Variants in MDGA2 observed in about 807,000 individuals in gnomAD.
The protein encoded by MDGA2 is MAM domain containing glycosylphosphatidylinositol anchor 2, also known as MAM domain-containing glycosylphosphatidylinositol anchor protein 2.
A neutral mutation model predicts 117.8 loss-of-function variants in MDGA2; 40 were observed. The observed-to-expected ratio is 0.34, with a 90% CI of 0.26 to 0.44. The LOEUF (loss-of-function observed/expected upper bound fraction) is 0.44. Ranked by LOEUF, MDGA2 falls within the 20% of genes least tolerant of loss-of-function variation. The pLI, the probability that MDGA2 is intolerant of heterozygous loss-of-function variation, is 1.00. For missense variants in MDGA2, 1,123 were observed against 1,250.6 expected, an observed-to-expected ratio of 0.90 and a Z score of 1.54; for synonymous variants, 452 against 439.0, an observed-to-expected ratio of 1.03 and a Z score of -0.37.
In MDGA2 at chr14:46,859,666, A is replaced by G. The variant is rs570107860; in HGVS notation, c.2753-4512T>C. Among the ~76,000 whole-genome samples the G allele has an allele frequency of 2.0e-5, 3 of 152,194 alleles. No individual in the cohort carries two copies. In the South Asian group the frequency reaches 6.2e-4, roughly 32 times the overall value. On this transcript the variant is annotated intron_variant, in intron 14 of 16. Coordinates refer to ENST00000399232, the MANE Select transcript of MDGA2 (RefSeq NM_001113498.3). ...CCTGTTTTTTGGTCTATTCTCTAAA[A>G]AATGGTTTCTAATATATTTTGCCCA...
At chr14:47,059,964 A>T (rs374331942) in intron 7 of MDGA2, among the ~76,000 whole-genome samples, 27 of 152,100 alleles carry the variant, frequency 1.8e-4, no homozygotes, top group African/African-American at 6.0e-4. Context: ...GAATCAATGG[A>T]TATTTGTTGA....
chr14:47,384,383 T>C (rs1383341156), intron 1 of MDGA2, among the ~76,000 whole-genome samples: 1 of 151,502 alleles, frequency 6.6e-6, no homozygotes, highest in Non-Finnish European at 1.5e-5. Context: ...AATCTTAAAG[T>C]CTAGAACAAA....
At chr14:47,629,956 G>GCTT (rs1897223061) in intron 1 of MDGA2, among the ~76,000 whole-genome samples, 2 of 152,200 alleles carry the variant, frequency 1.3e-5, no homozygotes, top group South Asian at 4.2e-4. Context: ...GCACCCAGGT[G>GCTT]ATACTGATAC....
At chr14:46,965,589 T>C (rs1033928633) in intron 8 of MDGA2, among the ~76,000 whole-genome samples, 1 of 152,174 alleles carries the variant, frequency 6.6e-6, no homozygotes, top group African/African-American at 2.4e-5. Flanking sequence ...GCACTCATTA[T>C]AGTGCACTCA....
intron 12 of MDGA2, among the ~76,000 whole-genome samples, chr14:46,876,886 G>A (rs902744557): frequency 6.6e-6 from 1 of 151,516 alleles, no homozygotes; most frequent in Non-Finnish European, 1.5e-5. Context: ...TCCAGGGAGA[G>A]AGAAGTTTTC....
chr14:47,538,172 C>T (rs1234810263), intron 1 of MDGA2, among the ~76,000 whole-genome samples: 1 of 152,152 alleles, frequency 6.6e-6, no homozygotes, highest in Non-Finnish European at 1.5e-5. Context: ...TCTGTGCTAG[C>T]ACGTTGTAAC....
intron 2 of MDGA2, among the ~76,000 whole-genome samples, chr14:47,249,041 T>C (rs1389490118): frequency 6.7e-6 from 1 of 148,470 alleles, no homozygotes; most frequent in African/African-American, 2.5e-5. Flanking sequence ...TTGTTTTTCA[T>C]GGAGTCTCGC....
intron 1 of MDGA2, among the ~76,000 whole-genome samples, chr14:47,635,140 G>A (rs780713193): frequency 4.6e-5 from 7 of 151,952 alleles, no homozygotes; most frequent in Non-Finnish European, 1.0e-4. Flanking sequence ...TTGTATCATC[G>A]TCACTCATTT....
intron 1 of MDGA2, among the ~76,000 whole-genome samples, chr14:47,314,067 G>C (rs1003906466): frequency 6.6e-6 from 1 of 152,160 alleles, no homozygotes; most frequent in Non-Finnish European, 1.5e-5. Context: ...AGAAGAGTGT[G>C]AAGTGTATAG....
chr14:47,538,200 C>T (rs1895262956), intron 1 of MDGA2, among the ~76,000 whole-genome samples: 1 of 152,030 alleles, frequency 6.6e-6, no homozygotes, highest in Admixed American at 6.6e-5. Context: ...AAATATGTGC[C>T]CTGGATATAT....
intron 1 of MDGA2, among the ~76,000 whole-genome samples, chr14:47,563,585 T>TTG (rs1895859621): frequency 1.4e-5 from 1 of 73,528 alleles, no homozygotes; most frequent in Non-Finnish European, 2.8e-5. Context: ...TCTGTTTTTT[T>TTG]TTTTTTTTTT....
chr14:47,520,337 G>T (rs1894843190), intron 1 of MDGA2, among the ~76,000 whole-genome samples: 1 of 152,160 alleles, frequency 6.6e-6, no homozygotes, highest in Non-Finnish European at 1.5e-5. Context: ...CAACAAAAAT[G>T]CTGCCTAAAA....
intron 2 of MDGA2, among the ~76,000 whole-genome samples, chr14:47,263,058 G>C (rs565128082): frequency 6.6e-6 from 1 of 152,146 alleles, no homozygotes; most frequent in South Asian, 2.1e-4. Flanking sequence ...GGTAGATCCT[G>C]CACAAAGGCA....
chr14:47,354,003 C>A (rs1389460358), intron 1 of MDGA2, among the ~76,000 whole-genome samples: 1 of 152,086 alleles, frequency 6.6e-6, no homozygotes. Context: ...GTTCAACTTA[C>A]CCAAATCAAT....
intron 15 of MDGA2, 54 bp downstream of exon 15, chr14:46,854,970 C>A: frequency 1.4e-6 from 2 of 1,442,206 alleles, no homozygotes; most frequent in South Asian, 1.4e-5. Context: ...CAAGATCCAC[C>A]TTTAATATTA....
chr14:46,873,617 T>G (rs766687252), intron 13 of MDGA2, 26 bp from the exon 14 acceptor site: 279 of 1,591,144 alleles, frequency 1.8e-4, no homozygotes, highest in Non-Finnish European at 2.3e-4. Context: ...ATAAAGTGTT[T>G]AAACACATTA....
At chr14:46,939,559 T>C (rs2138576488) in intron 9 of MDGA2, among the ~76,000 whole-genome samples, 1 of 152,338 alleles carries the variant, frequency 6.6e-6, no homozygotes, top group South Asian at 2.1e-4. Flanking sequence ...GCTTAATCTT[T>C]GATAAAACAA....
intron 8 of MDGA2, among the ~76,000 whole-genome samples, chr14:46,985,403 C>A (rs1231635129): frequency 6.6e-6 from 1 of 151,898 alleles, no homozygotes; most frequent in Non-Finnish European, 1.5e-5. Flanking sequence ...CTGAACCGAA[C>A]CTAGTGGATT....
intron 10 of MDGA2, among the ~76,000 whole-genome samples, chr14:46,913,194 C>G (rs144726230): frequency 1.3e-5 from 2 of 152,218 alleles, no homozygotes; most frequent in Admixed American, 6.5e-5. Flanking sequence ...TCCCCTTTCA[C>G]TATTCTAATC....
Sources: allele counts gnomAD v4.1 joint callset (sites outside exome capture counted in the v4.1 genomes callset), GRCh38; gene constraint gnomAD v4.1.1; transcripts MANE v1.5; gene names NCBI Gene and HGNC (gene_info 2026-07-23, HGNC 2026-07-21).